The following ARHGAP26 variants were observed in gnomAD, a reference collection of about 807,000 sequenced individuals.
The protein encoded by ARHGAP26 is Rho GTPase activating protein 26.
Under a neutral mutation model 104.8 loss-of-function variants are expected in ARHGAP26, and 38 were observed. That is an observed-to-expected ratio of 0.36 (90% CI 0.28 to 0.48). ARHGAP26 has a LOEUF of 0.48. Among genes scored for constraint, ARHGAP26 ranks in the 20% least tolerant of loss-of-function variants. The probability of loss-of-function intolerance (pLI) is 0.99; values close to 1 mark genes in which losing one functional copy is unlikely to be tolerated. For missense variants in ARHGAP26, 704 were observed against 947.9 expected (o/e 0.74, Z 3.38); for synonymous variants, 341 against 340.0 (o/e 1.00, Z -0.03).
chr5:143,147,037 T>C (rs1266986193), intron 19 of ARHGAP26, among the ~76,000 whole-genome samples, 194 bp from the exon 20 acceptor site: 7 of 152,180 alleles, frequency 4.6e-5, no homozygotes, highest in Non-Finnish European at 1.0e-4. Flanking sequence ...TGCTTTAAAA[T>C]TTCGAGTCAC....
Position 142,963,179 on chromosome 5 carries a change from T to TATATATATAC in ARHGAP26, c.1107+31063_1107+31064insCATATATATA, listed in dbSNP as rs1562164378. Among the ~76,000 whole-genome samples, 66 of 104,124 alleles carry TATATATATAC rather than the reference T, an allele frequency of 6.3e-4. 1 individual carries two copies. Among genetic ancestry groups the TATATATATAC allele is most frequent in the African/African-American group, 3.4e-3 (59 of 17,212 alleles). The allele number at this position is 104,124 out of a possible 152,430, so 68.3% of individuals were successfully genotyped here. A position where few individuals can be genotyped will look rare whatever the true frequency, so the allele number is the denominator to read the frequency against. On this transcript the variant is annotated intron_variant, in intron 11 of 22. Coordinates refer to ENST00000645722, the MANE Select transcript of ARHGAP26 (RefSeq NM_001135608.3). ...GTATTCCATGGTATATATGTATATATATATATATATATATATATATGTGTG... is the reference window on the plus strand; with the variant it reads ...GTATTCCATGGTATATATGTATATATATATATATACATATATATATATATATATATGTGTG...
At chr5:142,859,669 T>G (rs547805331) in intron 1 of ARHGAP26, 5 of 152,218 alleles carry the variant, frequency 3.3e-5, no homozygotes, top group Admixed American at 1.3e-4. Context: ...CAAAATCAGT[T>G]TTCATTTTTC....
rs927470930 is a variant in ARHGAP26 at position 142,869,693 on chromosome 5, G to A, written c.155-3707G>A. Among the ~76,000 whole-genome samples, 6 of 152,188 alleles carry A rather than the reference G, an allele frequency of 3.9e-5. No individual in the cohort carries two copies. The South Asian group carries it at 1.2e-3, about 32-fold the overall frequency. ...AGAAAAAGGAAATGGCTTGACTTGT[G>A]GTATTACTGGTACAACTTGTATAAA... On this transcript the variant is annotated intron_variant, in intron 1 of 22. Transcript: ENST00000645722.
intron 1 of ARHGAP26, among the ~76,000 whole-genome samples, chr5:142,803,590 A>T (rs187773678): frequency 6.6e-6 from 1 of 152,188 alleles, no homozygotes; most frequent in African/African-American, 2.4e-5. Flanking sequence ...CTGTGATGAC[A>T]CTTCCTTCAA....
intron 11 of ARHGAP26, among the ~76,000 whole-genome samples, chr5:142,988,617 T>C (rs1775127118): frequency 6.6e-6 from 1 of 152,242 alleles, no homozygotes; most frequent in Non-Finnish European, 1.5e-5. Flanking sequence ...TTCTTTCTCT[T>C]GTGGGCGTTT....
chr5:143,141,682 G>C, intron 19 of ARHGAP26, among the ~76,000 whole-genome samples: 1 of 152,152 alleles, frequency 6.6e-6, no homozygotes, highest in East Asian at 1.9e-4. Flanking sequence ...GACTCCCTCA[G>C]ATCCCAGTCA....
chr5:142,926,326 T>C (rs1024228495), intron 10 of ARHGAP26, among the ~76,000 whole-genome samples: 1 of 152,170 alleles, frequency 6.6e-6, no homozygotes. Context: ...TCCTCGTTCA[T>C]GATTCTTAAG....
chr5:143,105,125 C>G (rs1793803766), intron 17 of ARHGAP26, among the ~76,000 whole-genome samples: 1 of 152,096 alleles, frequency 6.6e-6, no homozygotes, highest in Non-Finnish European at 1.5e-5. Context: ...CCTATAATCC[C>G]AGCACTTTGG....
chr5:142,809,904 C>T (rs1287966929), intron 1 of ARHGAP26, among the ~76,000 whole-genome samples: 1 of 152,254 alleles, frequency 6.6e-6, no homozygotes, highest in South Asian at 2.1e-4. Context: ...AGGCCCTTCT[C>T]TCATGGATCT....
In ARHGAP26 at chr5:142,842,216, C is replaced by T. The variant is rs1438098190; in HGVS notation, c.155-31184C>T. Among the ~76,000 whole-genome samples the T allele has an allele frequency of 2.0e-5, 3 of 152,192 alleles. No individual in the cohort carries two copies. The East Asian group carries it at 5.8e-4, about 29-fold the overall frequency. ...TTTCAAGTGATATTTCCCCTGCATT[C>T]TTCTGTGGTCACCTTTCCTTATTCT... On this transcript the variant is annotated intron_variant, in intron 1 of 22. Coordinates refer to ENST00000645722, the MANE Select transcript of ARHGAP26 (RefSeq NM_001135608.3).
chr5:143,032,578 G>A (rs528374853), intron 12 of ARHGAP26, among the ~76,000 whole-genome samples: 2 of 152,248 alleles, frequency 1.3e-5, no homozygotes, highest in South Asian at 2.1e-4. Context: ...GTTAGCAAAC[G>A]CAGCTTGGTG....
intron 11 of ARHGAP26, among the ~76,000 whole-genome samples, chr5:142,982,306 T>G (rs1163229954): frequency 1.3e-5 from 2 of 152,214 alleles, no homozygotes; most frequent in Non-Finnish European, 2.9e-5. Flanking sequence ...CAATGAAACA[T>G]GGGCTCATTT....
At chr5:142,885,780 G>C (rs908023240) in intron 5 of ARHGAP26, among the ~76,000 whole-genome samples, 1 of 152,126 alleles carries the variant, frequency 6.6e-6, no homozygotes, top group Non-Finnish European at 1.5e-5. Flanking sequence ...TCAGTGATTT[G>C]AAATGTTAGC....
chr5:142,784,252 A>G (rs559632905), intron 1 of ARHGAP26, among the ~76,000 whole-genome samples: 13 of 152,170 alleles, frequency 8.5e-5, no homozygotes, highest in Non-Finnish European at 1.9e-4. Flanking sequence ...GCTCTGCTCC[A>G]TTGCATAGGA....
At chr5:143,206,883 G>C (rs955724471) in intron 20 of ARHGAP26, among the ~76,000 whole-genome samples, 2 of 152,348 alleles carry the variant, frequency 1.3e-5, no homozygotes, top group Admixed American at 1.3e-4. Flanking sequence ...ATAGCACGTG[G>C]GTGTGGGAAC....
chr5:142,783,049 G>T (rs556320918), intron 1 of ARHGAP26, among the ~76,000 whole-genome samples: 1 of 152,272 alleles, frequency 6.6e-6, no homozygotes, highest in African/African-American at 2.4e-5. Context: ...CATGGTGGGA[G>T]TCCTTGGACC....
chr5:142,906,285 C>G (rs549401573), intron 8 of ARHGAP26, among the ~76,000 whole-genome samples: 1 of 152,340 alleles, frequency 6.6e-6, no homozygotes, highest in South Asian at 2.1e-4. Context: ...AATTAGCAAT[C>G]TGAAGGTAAC....
intron 11 of ARHGAP26, among the ~76,000 whole-genome samples, chr5:142,968,583 C>G (rs1242391395): frequency 6.6e-6 from 1 of 152,272 alleles, no homozygotes; most frequent in Middle Eastern, 3.4e-3. Flanking sequence ...TCTTTTCAGT[C>G]CTCTCTGGTT....
intron 3 of ARHGAP26, among the ~76,000 whole-genome samples, chr5:142,877,818 G>A (rs1341548065): frequency 6.6e-6 from 1 of 152,180 alleles, no homozygotes; most frequent in Non-Finnish European, 1.5e-5. Flanking sequence ...AAGCTTTCCA[G>A]GTGATTCTAC....
Sources: allele counts gnomAD v4.1 joint callset (sites outside exome capture counted in the v4.1 genomes callset), GRCh38; gene constraint gnomAD v4.1.1; transcripts MANE v1.5; gene names NCBI Gene and HGNC (gene_info 2026-07-23, HGNC 2026-07-21).